CTNNA3: variants seen among roughly 807,000 people sequenced by gnomAD.
CTNNA3 encodes catenin alpha-3.
Under a neutral mutation model 95.7 loss-of-function variants are expected in CTNNA3, and 76 were observed. The ratio of observed to expected loss-of-function variants is 0.79; its 90% CI spans 0.66 to 0.96. CTNNA3 has a LOEUF of 0.96. Ranked by LOEUF, CTNNA3 falls within the 40% of genes least tolerant of loss-of-function variation. CTNNA3 has a pLI of 0.00. For missense variants in CTNNA3, 1,191 were observed against 1,089.8 expected, an observed-to-expected ratio of 1.09 and a Z score of -1.31; for synonymous variants, 431 against 374.4, an observed-to-expected ratio of 1.15 and a Z score of -1.74.
chr10:66,929,909 A>G (rs1351189282), intron 7 of CTNNA3, among the ~76,000 whole-genome samples: 1 of 152,214 alleles, frequency 6.6e-6, no homozygotes, highest in African/African-American at 2.4e-5. Flanking sequence ...GAACAGTTCT[A>G]TTATAGAAGC....
rs138635652 is a variant in CTNNA3 at position 66,987,417 on chromosome 10, G to A, written c.1047+192900C>T. ...ATGATTTCTTGATGATAGAATGTAG[G>A]GCTGAAGAATCAGAAAGGAGTCAAA... On this transcript the variant is annotated intron_variant, in intron 7 of 17. Coordinates refer to ENST00000433211, the MANE Select transcript of CTNNA3 (RefSeq NM_013266.4). Among the ~76,000 whole-genome samples the A allele has an allele frequency of 3.9e-5, 6 of 152,228 alleles. No homozygotes were observed. In the East Asian group the frequency reaches 1.2e-3, roughly 29 times the overall value.
intron 5 of CTNNA3, among the ~76,000 whole-genome samples, chr10:67,230,868 C>G (rs528979023): frequency 5.7e-4 from 87 of 152,196 alleles, no homozygotes; most frequent in Non-Finnish European, 1.0e-3. Flanking sequence ...TCGGGAAGCG[C>G]AGGGGGTCAG....
chr10:67,193,288 A>T (rs984776602), intron 6 of CTNNA3, among the ~76,000 whole-genome samples: 4 of 152,034 alleles, frequency 2.6e-5, no homozygotes, highest in Non-Finnish European at 5.9e-5. Flanking sequence ...CCTTTAATAT[A>T]TACCTTCTTT....
In CTNNA3 at chr10:66,409,848, T is replaced by C. The variant is rs566456590; in HGVS notation, c.1532-30496A>G. On this transcript the variant is annotated intron_variant, in intron 11 of 17. Coordinates refer to ENST00000433211, the MANE Select transcript of CTNNA3 (RefSeq NM_013266.4). The stretch of plus-strand genomic sequence containing the variant: ...GAAAGGTACAATCAGGGACCTTCAC[T>C]TATTCCTTATTTTTCTCCTAAGGAA... Among the ~76,000 whole-genome samples the C allele has an allele frequency of 1.4e-3, 210 of 152,286 alleles. 1 individual carries two copies. The highest frequency in any genetic ancestry group is 4.6e-3 in the African/African-American group (193 of 41,576).
At chr10:66,770,536 T>C (rs1209859747) in intron 8 of CTNNA3, among the ~76,000 whole-genome samples, 1 of 152,188 alleles carries the variant, frequency 6.6e-6, no homozygotes, top group Non-Finnish European at 1.5e-5. Context: ...TGAGGTGCTT[T>C]TCATCTTTTC....
chr10:66,112,499 C>A (rs2082158172), intron 13 of CTNNA3, among the ~76,000 whole-genome samples: 1 of 152,004 alleles, frequency 6.6e-6, no homozygotes, highest in South Asian at 2.1e-4. Context: ...ATGAAATCTA[C>A]CCTTAACAAA....
intron 1 of CTNNA3, among the ~76,000 whole-genome samples, chr10:67,719,175 C>A (rs1225499019): frequency 6.6e-6 from 1 of 150,952 alleles, no homozygotes; most frequent in South Asian, 2.1e-4. Flanking sequence ...TTTATTTTTT[C>A]TATTTCATTC....
intron 9 of CTNNA3, among the ~76,000 whole-genome samples, chr10:66,654,630 T>A (rs1205254751): frequency 6.6e-6 from 1 of 152,046 alleles, no homozygotes; most frequent in African/African-American, 2.4e-5. Context: ...ATGAAATTAG[T>A]ATGTCAAAGA....
At chr10:66,360,072 C>G (rs190550800) in intron 12 of CTNNA3, among the ~76,000 whole-genome samples, 145 of 152,168 alleles carry the variant, frequency 9.5e-4, no homozygotes, top group African/African-American at 3.4e-3. Flanking sequence ...CATGATCCAC[C>G]CGCCTTGGCC....
intron 12 of CTNNA3, among the ~76,000 whole-genome samples, chr10:66,325,372 G>C (rs528274429): frequency 5.8e-4 from 88 of 152,200 alleles, no homozygotes; most frequent in Non-Finnish European, 8.7e-4. Flanking sequence ...CAAGAGTCAA[G>C]ATGAGTTGTT....
chr10:66,469,370 G>C (rs1269880455), intron 11 of CTNNA3, among the ~76,000 whole-genome samples: 1 of 151,826 alleles, frequency 6.6e-6, no homozygotes, highest in Non-Finnish European at 1.5e-5. Context: ...AATAAGCAGA[G>C]GTCCTAAAGT....
chr10:67,584,007 T>C (rs1010216133), intron 3 of CTNNA3, among the ~76,000 whole-genome samples: 6 of 152,232 alleles, frequency 3.9e-5, no homozygotes, highest in Admixed American at 3.9e-4. Context: ...GGTTTGAACA[T>C]CCTCCTTTAG....
chr10:67,389,728 T>G lies in CTNNA3; in HGVS notation c.579+132114A>C, dbSNP rs568691341. 6.6e-5 allele frequency among the ~76,000 whole-genome samples: 10 copies of G among 150,390 alleles called. No individual in the cohort carries two copies. In the South Asian group the frequency reaches 8.5e-4, roughly 13 times the overall value. ...AACTATCTCTCAGACCACAGTGCAA[T>G]CAAACTAGAACTCAGGATTAAGAAT... On this transcript the variant is annotated intron_variant, in intron 5 of 17. Transcript: ENST00000433211.
chr10:66,111,561 C>T (rs2082120527), intron 13 of CTNNA3, among the ~76,000 whole-genome samples: 1 of 152,168 alleles, frequency 6.6e-6, no homozygotes, highest in South Asian at 2.1e-4. Context: ...ATGCTAGATA[C>T]TGGGAATCTT....
intron 5 of CTNNA3, among the ~76,000 whole-genome samples, chr10:67,249,298 G>A (rs1040876327): frequency 6.6e-6 from 1 of 152,122 alleles, no homozygotes; most frequent in African/African-American, 2.4e-5. Flanking sequence ...TTACTCCAAA[G>A]ACAATACAGT....
intron 7 of CTNNA3, among the ~76,000 whole-genome samples, chr10:66,878,989 G>A (rs907304585): frequency 1.3e-5 from 2 of 152,156 alleles, no homozygotes; most frequent in Non-Finnish European, 2.9e-5. Context: ...GTCAGGCACT[G>A]TGATTAGTGT....
At chr10:66,946,434 G>T (rs1848280125) in intron 7 of CTNNA3, among the ~76,000 whole-genome samples, 1 of 152,054 alleles carries the variant, frequency 6.6e-6, no homozygotes, top group African/African-American at 2.4e-5. Context: ...GTGCACATAT[G>T]GTCAATGTAC....
chr10:66,411,897 T>G (rs2093108231), intron 11 of CTNNA3, among the ~76,000 whole-genome samples: 1 of 152,142 alleles, frequency 6.6e-6, no homozygotes, highest in Non-Finnish European at 1.5e-5. Context: ...GGTGACCCAC[T>G]GAGCCCTCAA....
At chr10:66,320,602 CT>C (rs2132286779) in intron 12 of CTNNA3, among the ~76,000 whole-genome samples, 1 of 152,194 alleles carries the variant, frequency 6.6e-6, no homozygotes, top group Non-Finnish European at 1.5e-5. Context: ...ATCACTAGGA[CT>C]TTGGTGCAGG....
Sources: allele counts gnomAD v4.1 joint callset (sites outside exome capture counted in the v4.1 genomes callset), GRCh38; gene constraint gnomAD v4.1.1; transcripts MANE v1.5; gene names NCBI Gene and HGNC (gene_info 2026-07-23, HGNC 2026-07-21).